Variants in TMEM40 observed in about 807,000 individuals in gnomAD.
TMEM40 encodes transmembrane protein 40.
In TMEM40, 34 loss-of-function variants were observed where a neutral mutation model predicts 40.8. The observed-to-expected ratio is 0.83, with a 90% CI of 0.63 to 1.11. The LOEUF (loss-of-function observed/expected upper bound fraction) is 1.11, where lower values mean the gene tolerates loss of function less well. TMEM40 is among the 50% of genes least tolerant of loss of function. The pLI is 0.00. For synonymous variants in TMEM40, 106 were observed against 107.0 expected (o/e 0.99, Z 0.06); for missense variants, 296 against 280.2 (o/e 1.06, Z -0.40).
intron 3 of TMEM40, among the ~76,000 whole-genome samples, chr3:12,746,346 A>G (rs552030775): frequency 1.3e-5 from 2 of 152,242 alleles, no homozygotes; most frequent in South Asian, 4.1e-4. Context: ...ATACACTAAT[A>G]TGTTTTGGGT....
chr3:12,761,486 G>A (rs1401153409), upstream of TMEM40, among the ~76,000 whole-genome samples: 1 of 151,918 alleles, frequency 6.6e-6, no homozygotes, highest in Non-Finnish European at 1.5e-5. Flanking sequence ...CATGCCAGTG[G>A]TCCCAGCTAC....
chr3:12,737,955 C>G, intron 7 of TMEM40, 181 bp downstream of exon 7: 1 of 956,158 alleles, frequency 1.0e-6, no homozygotes, highest in Non-Finnish European at 1.6e-6. Context: ...TCCTTAGGCC[C>G]GAGTCTGCCT....
chr3:12,768,269 A>G (rs1039698798), intron 1 of TMEM40, among the ~76,000 whole-genome samples: 2 of 152,134 alleles, frequency 1.3e-5, no homozygotes, highest in Non-Finnish European at 2.9e-5. Context: ...TTACAACTAC[A>G]TAAAGCCAGC....
intron 1 of TMEM40, among the ~76,000 whole-genome samples, chr3:12,755,649 C>G (rs1285326972): frequency 1.3e-5 from 2 of 152,022 alleles, no homozygotes; most frequent in Non-Finnish European, 2.9e-5. Flanking sequence ...TAGTTTTTAA[C>G]TAAAAATAGT....
chr3:12,757,060 T>C (rs1381844776), intron 1 of TMEM40, among the ~76,000 whole-genome samples: 1 of 152,064 alleles, frequency 6.6e-6, no homozygotes, highest in Non-Finnish European at 1.5e-5. Context: ...GTTGGAAAAA[T>C]GGGCATGCCT....
At chr3:12,744,746 C>A (rs1217746639) in intron 3 of TMEM40, among the ~76,000 whole-genome samples, 1 of 152,152 alleles carries the variant, frequency 6.6e-6, no homozygotes, top group Non-Finnish European at 1.5e-5. Flanking sequence ...CCAGAAGACT[C>A]CTTTATCCCA....
chr3:12,760,306 C>G (rs1376555514), upstream of TMEM40, among the ~76,000 whole-genome samples: 1 of 152,170 alleles, frequency 6.6e-6, no homozygotes, highest in Non-Finnish European at 1.5e-5. Flanking sequence ...CTGCCACACT[C>G]CCACTGCACT....
intron 1 of TMEM40, among the ~76,000 whole-genome samples, chr3:12,767,102 C>T (rs1027519937): frequency 5.9e-5 from 9 of 152,178 alleles, no homozygotes; most frequent in African/African-American, 2.2e-4. Context: ...GACCCTGGAG[C>T]AGCTACTAGA....
upstream of TMEM40, among the ~76,000 whole-genome samples, chr3:12,763,233 C>T (rs573790992): frequency 1.3e-5 from 2 of 151,282 alleles, no homozygotes; most frequent in Non-Finnish European, 2.9e-5. Flanking sequence ...TGTTCATTAC[C>T]TTCTGTTTGC....
In TMEM40 at chr3:12,734,394, T is replaced by C. The variant is rs1181636886; in HGVS notation, c.*380A>G. ...TGGCTCGGTAGCACCTGAGAGCGCA[T>C]GCAGATAGCCTGGGATTTGAGAAAA... On this transcript the variant is annotated 3_prime_UTR_variant, in exon 12 of 12. Transcript: ENST00000314124. 9.5e-6 allele frequency: 2 copies of C among 209,432 alleles called. No homozygotes were observed. Among genetic ancestry groups the C allele is most frequent in the South Asian group, 1.4e-4 (1 of 7,144 alleles). 13.0% of individuals were successfully genotyped at this position (209,432 alleles called of 1,614,324 possible). A position where few individuals can be genotyped will look rare whatever the true frequency, so the allele number is the denominator to read the frequency against.
chr3:12,734,605 G>A lies in TMEM40; in HGVS notation c.*169C>T, dbSNP rs1195596186. ...AGTACTGCCCAAATGAGATGCCCCT[G>A]CCCGGGCTGGTGCCAACATTCAGAC... On this transcript the variant is annotated 3_prime_UTR_variant, in exon 12 of 12. Transcript: ENST00000314124. 2.6e-6 allele frequency: 2 copies of A among 756,868 alleles called. No individual in the cohort carries two copies. Among genetic ancestry groups the A allele is most frequent in the East Asian group, 2.7e-5 (1 of 36,592 alleles). The allele number at this position is 756,868 out of a possible 1,614,324, so 46.9% of individuals were successfully genotyped here. A position where few individuals can be genotyped will look rare whatever the true frequency, so the allele number is the denominator to read the frequency against.
chr3:12,760,896 C>A (rs1269329243), upstream of TMEM40, among the ~76,000 whole-genome samples: 1 of 152,190 alleles, frequency 6.6e-6, no homozygotes, highest in Non-Finnish European at 1.5e-5. Context: ...CATGCACCCC[C>A]ACGCCTGGCT....
intron 1 of TMEM40, among the ~76,000 whole-genome samples, chr3:12,750,481 C>T (rs976377810): frequency 1.3e-5 from 2 of 152,162 alleles, no homozygotes; most frequent in Non-Finnish European, 2.9e-5. Context: ...TGCTATGAGT[C>T]TCTGTTATAG....
chr3:12,737,961 T>G, intron 7 of TMEM40, 175 bp downstream of exon 7: 1 of 977,930 alleles, frequency 1.0e-6, no homozygotes, highest in East Asian at 2.6e-5. Flanking sequence ...GGCCCGAGTC[T>G]GCCTTCCTTT....
At chr3:12,742,346 T>C in intron 5 of TMEM40, 108 bp downstream of exon 5, 1 of 1,335,074 alleles carries the variant, frequency 7.5e-7, no homozygotes, top group Admixed American at 1.8e-5. Context: ...TGTATTTGGC[T>C]GGGACTTTTC....
At chr3:12,760,397 C>T (rs897454186), upstream of TMEM40, among the ~76,000 whole-genome samples, 1 of 152,130 alleles carries the variant, frequency 6.6e-6, no homozygotes, top group African/African-American at 2.4e-5. Context: ...GTTCCCATGA[C>T]TTCCTCCCTC....
chr3:12,760,900 C>T (rs915195779), upstream of TMEM40, among the ~76,000 whole-genome samples: 25 of 152,178 alleles, frequency 1.6e-4, no homozygotes, highest in African/African-American at 6.0e-4. Context: ...CACCCCCACG[C>T]CTGGCTGATT....
chr3:12,737,639 A>G, intron 8 of TMEM40, 68 bp downstream of exon 8: 4 of 1,469,138 alleles, frequency 2.7e-6, no homozygotes, highest in Non-Finnish European at 3.8e-6. Flanking sequence ...CTAGGCCACC[A>G]GCTGCATTTC....
At chr3:12,737,862 G>A (rs1414402919) in intron 7 of TMEM40, 108 bp from the exon 8 acceptor site, 13 of 1,190,544 alleles carry the variant, frequency 1.1e-5, no homozygotes, top group African/African-American at 1.5e-5. Flanking sequence ...ATCTTCCTGG[G>A]TCAGAGGGCA....
Sources: allele counts gnomAD v4.1 joint callset (sites outside exome capture counted in the v4.1 genomes callset), GRCh38; gene constraint gnomAD v4.1.1; transcripts MANE v1.5; gene names NCBI Gene and HGNC (gene_info 2026-07-23, HGNC 2026-07-21).